SI: variants seen among roughly 807,000 people sequenced by gnomAD.
SI encodes sucrase-isomaltase, intestinal.
A neutral mutation model predicts 253.3 loss-of-function variants in SI; 235 were observed. The observed-to-expected ratio is 0.93, with a 90% CI of 0.83 to 1.03. SI has a LOEUF of 1.03. Among genes scored for constraint, SI ranks in the 50% least tolerant of loss-of-function variants. The pLI is 0.00. For synonymous variants in SI, 819 were observed against 712.0 expected, an observed-to-expected ratio of 1.15 and a Z score of -2.39; for missense variants, 2,442 against 2,211.1, an observed-to-expected ratio of 1.10 and a Z score of -2.09.
At chr3:165,021,408 G>T (rs1711605478) in intron 26 of SI, 25 bp from the exon 27 acceptor site, 1 of 1,584,574 alleles carries the variant, frequency 6.3e-7, no homozygotes, top group East Asian at 2.2e-5. Flanking sequence ...TAGTAAAAAA[G>T]TTTATTCTGA....
chr3:165,076,641 A>G (rs567397459), intron 1 of SI, among the ~76,000 whole-genome samples: 5 of 151,800 alleles, frequency 3.3e-5, no homozygotes, highest in South Asian at 2.1e-4. Flanking sequence ...AATTTTCACC[A>G]AGTTCCTTCA....
At chr3:164,983,473 C>T (rs1717293069) in intron 45 of SI, among the ~76,000 whole-genome samples, 1 of 152,168 alleles carries the variant, frequency 6.6e-6, no homozygotes, top group South Asian at 2.1e-4. Flanking sequence ...GGTAGCAATA[C>T]ATTCTAGTGT....
At chr3:165,029,163 A>G (rs376048180) in intron 25 of SI, among the ~76,000 whole-genome samples, 3 of 151,578 alleles carry the variant, frequency 2.0e-5, no homozygotes, top group South Asian at 2.1e-4. Flanking sequence ...CAAATGGCCA[A>G]CAAACATATG....
chr3:164,982,500 T>G (rs1717239733), intron 46 of SI, 90 bp from the exon 47 acceptor site: 7 of 891,638 alleles, frequency 7.9e-6, no homozygotes, highest in Non-Finnish European at 1.3e-5. Context: ...AAAAATGTAT[T>G]TCGTAGTATA....
At chr3:164,995,324 T>C (rs977505912) in intron 40 of SI, among the ~76,000 whole-genome samples, 1 of 151,792 alleles carries the variant, frequency 6.6e-6, no homozygotes, top group Non-Finnish European at 1.5e-5. Context: ...TATGTAATCC[T>C]ATTGCTGGTA....
intron 35 of SI, 29 bp downstream of exon 35, chr3:165,009,249 TA>T: frequency 1.4e-6 from 2 of 1,425,980 alleles, no homozygotes; most frequent in Non-Finnish European, 2.0e-6. Context: ...ATAAATAACT[TA>T]AAACATAGAT....
intron 37 of SI, 59 bp downstream of exon 37, chr3:165,006,756 AT>A: frequency 2.1e-6 from 3 of 1,457,940 alleles, no homozygotes; most frequent in Non-Finnish European, 2.9e-6. Flanking sequence ...AAATGATAAC[AT>A]TAAATGTAAG....
In SI at chr3:165,049,206, T is replaced by A. The variant is rs560842818; in HGVS notation, c.1636A>T (p.Met546Leu). The change falls in exon 15 of 48, where the codon ATG becomes TTG. Residue 546 changes from methionine to leucine, a missense_variant. Transcript: ENST00000264382. ...DKLMYSKTIC[M>L]DAVQNWGKQY... Reference sequence around the variant, plus strand: ...TTACCCCAGTTCTGCACAGCATCCATGCAAATTGTTTTGGAATACATGAGT... The same window carrying A: ...TTACCCCAGTTCTGCACAGCATCCAAGCAAATTGTTTTGGAATACATGAGT... 2.5e-6 allele frequency: 4 copies of A among 1,611,380 alleles called. No individual in the cohort carries two copies. In the East Asian group the frequency reaches 9.0e-5, roughly 36 times the overall value.
intron 25 of SI, among the ~76,000 whole-genome samples, chr3:165,024,830 T>C (rs934762669): frequency 6.6e-6 from 1 of 151,248 alleles, no homozygotes; most frequent in African/African-American, 2.4e-5. Flanking sequence ...TATCTCTAAT[T>C]TGTCCCTTGA....
chr3:165,025,524 AG>A (rs1711865264), intron 25 of SI, among the ~76,000 whole-genome samples: 1 of 151,368 alleles, frequency 6.6e-6, no homozygotes, highest in South Asian at 2.1e-4. Flanking sequence ...CATCGCAAAA[AG>A]GTCATTGCCT....
chr3:164,987,044 G>T, intron 45 of SI, 94 bp downstream of exon 45: 1 of 966,348 alleles, frequency 1.0e-6, no homozygotes, highest in Non-Finnish European at 1.7e-6. Flanking sequence ...TAATAGCTTT[G>T]TACTCAGCTT....
intron 25 of SI, among the ~76,000 whole-genome samples, chr3:165,025,722 T>G (rs1711875417): frequency 6.6e-6 from 1 of 151,350 alleles, no homozygotes; most frequent in Non-Finnish European, 1.5e-5. Context: ...CCAAGACTTT[T>G]GTATCCAGAA....
intron 25 of SI, among the ~76,000 whole-genome samples, chr3:165,027,135 T>A (rs1201384444): frequency 6.6e-6 from 1 of 151,334 alleles, no homozygotes; most frequent in East Asian, 1.9e-4. Context: ...TGCGAGATAC[T>A]ACAACTGACA....
chr3:165,048,556 CAT>C (rs765703591), intron 15 of SI, among the ~76,000 whole-genome samples: 16 of 104,556 alleles, frequency 1.5e-4, no homozygotes, highest in South Asian at 3.2e-4. Flanking sequence ...TATATATATA[CAT>C]ATATATATGT....
upstream of SI, among the ~76,000 whole-genome samples, chr3:165,079,303 AATT>A (rs1228049630): frequency 1.3e-5 from 2 of 151,656 alleles, no homozygotes; most frequent in Admixed American, 1.3e-4. Context: ...AATATTGCTT[AATT>A]ATTATTGACC....
intron 21 of SI, among the ~76,000 whole-genome samples, 160 bp downstream of exon 21, chr3:165,037,740 A>G (rs1193371237): frequency 2.0e-5 from 3 of 151,812 alleles, no homozygotes; most frequent in Admixed American, 6.6e-5. Flanking sequence ...AAATAATTTC[A>G]TTCTTTTTAT....
chr3:165,086,998 G>A, the SI span, among the ~76,000 whole-genome samples: 2 of 152,136 alleles, frequency 1.3e-5, no homozygotes, highest in African/African-American at 4.8e-5. Flanking sequence ...GCTACTGCAA[G>A]AAAAGTACAA....
At chr3:165,015,047 T>C in intron 33 of SI, 76 bp downstream of exon 33, 3 of 1,133,886 alleles carry the variant, frequency 2.6e-6, no homozygotes, top group Non-Finnish European at 4.0e-6. Context: ...CGGTTTTAAC[T>C]TTTACTAATT....
At chr3:165,081,555 G>C (rs1182674152), upstream of SI, among the ~76,000 whole-genome samples, 1 of 152,006 alleles carries the variant, frequency 6.6e-6, no homozygotes, top group Admixed American at 6.6e-5. Flanking sequence ...TAATATACTA[G>C]TTTTATATGT....
Sources: allele counts gnomAD v4.1 joint callset (sites outside exome capture counted in the v4.1 genomes callset), GRCh38; gene constraint gnomAD v4.1.1; transcripts MANE v1.5; gene names NCBI Gene and HGNC (gene_info 2026-07-23, HGNC 2026-07-21).